HIVEP1: variants seen among roughly 807,000 people sequenced by gnomAD.
The protein encoded by HIVEP1 is HIVEP zinc finger 1.
In HIVEP1, 36 loss-of-function variants were observed where a neutral mutation model predicts 180.0. The observed-to-expected ratio is 0.20, with a 90% confidence interval of 0.15 to 0.26. The LOEUF is 0.26. Ranked by LOEUF, HIVEP1 falls within the 10% of genes least tolerant of loss-of-function variation. The pLI, the probability that HIVEP1 is intolerant of heterozygous loss-of-function variation, is 1.00. For missense variants in HIVEP1, 3,143 were observed against 3,268.7 expected (o/e 0.96, Z 0.94); for synonymous variants, 1,239 against 1,239.0 (o/e 1.00, Z 0.00).
intron 3 of HIVEP1, among the ~76,000 whole-genome samples, chr6:12,102,796 G>A (rs1774188218): frequency 2.0e-5 from 3 of 152,168 alleles, no homozygotes; most frequent in South Asian, 2.1e-4. Flanking sequence ...TTAAGGTAGA[G>A]TCAGAGCATG....
At chr6:12,058,787 C>G (rs1771038810) in intron 2 of HIVEP1, among the ~76,000 whole-genome samples, 1 of 152,118 alleles carries the variant, frequency 6.6e-6, no homozygotes, top group Non-Finnish European at 1.5e-5. Flanking sequence ...TCACGTGGGG[C>G]TGACCTAGTA....
intron 2 of HIVEP1, among the ~76,000 whole-genome samples, chr6:12,047,550 C>T (rs1017473505): frequency 6.6e-6 from 1 of 152,216 alleles, no homozygotes; most frequent in Non-Finnish European, 1.5e-5. Context: ...TAGGTCACAT[C>T]GCGGGTCTCA....
chr6:12,114,925 A>G (rs905393848), intron 3 of HIVEP1, among the ~76,000 whole-genome samples: 5 of 152,220 alleles, frequency 3.3e-5, no homozygotes, highest in African/African-American at 9.6e-5. Context: ...CATGATCTCA[A>G]TTGTTAGAAA....
chr6:12,026,734 G>T (rs895491417), intron 2 of HIVEP1, among the ~76,000 whole-genome samples: 2 of 152,134 alleles, frequency 1.3e-5, no homozygotes, highest in Admixed American at 6.5e-5. Flanking sequence ...AGTATGATTT[G>T]TTGACACCCA....
chr6:12,108,679 C>G (rs929941359), intron 3 of HIVEP1, among the ~76,000 whole-genome samples: 4 of 152,220 alleles, frequency 2.6e-5, no homozygotes, highest in African/African-American at 7.2e-5. Context: ...GCCGGCTGCT[C>G]CGAGTGCGGG....
At chr6:12,048,029 G>A (rs767963356) in intron 2 of HIVEP1, among the ~76,000 whole-genome samples, 1 of 152,214 alleles carries the variant, frequency 6.6e-6, no homozygotes, top group Non-Finnish European at 1.5e-5. Flanking sequence ...AACTGTTGCT[G>A]TTCCATTTTG....
At chr6:12,030,466 T>A (rs1392942716) in intron 2 of HIVEP1, among the ~76,000 whole-genome samples, 2 of 152,152 alleles carry the variant, frequency 1.3e-5, no homozygotes, top group Non-Finnish European at 2.9e-5. Context: ...ATCTCTTTAA[T>A]TTTTTTCTGT....
Position 12,046,845 on chromosome 6 carries a change from C to CTGTGTGTGTGTGTGTGTGTGTGTGTG in HIVEP1, c.40+31183_40+31208dup, listed in dbSNP as rs372934680. Among the ~76,000 whole-genome samples, 183 of 141,098 alleles carry CTGTGTGTGTGTGTGTGTGTGTGTGTG rather than the reference C, an allele frequency of 1.3e-3. 1 individual carries two copies. Among genetic ancestry groups the CTGTGTGTGTGTGTGTGTGTGTGTGTG allele is most frequent in the East Asian group, 1.6e-3 (7 of 4,492 alleles). 92.6% of individuals were successfully genotyped at this position (141,098 alleles called of 152,430 possible). ...TACACTTCTTCTTACTGCCACTACA[C>CTGTGTGTGTGTGTGTGTGTGTGTGTG]TGTGTGTGTGTGTGTGTGTGTGTGT... On this transcript the variant is annotated intron_variant, in intron 2 of 8. Transcript: ENST00000379388.
chr6:12,030,369 C>G (rs571204716), intron 2 of HIVEP1, among the ~76,000 whole-genome samples: 1 of 152,096 alleles, frequency 6.6e-6, no homozygotes, highest in East Asian at 1.9e-4. Context: ...ATTATTTCTT[C>G]ATATATTTTT....
In HIVEP1 at chr6:12,121,869, T is replaced by G. The variant is rs79027391; in HGVS notation, c.2074T>G (p.Phe692Val). Residue 692 changes from phenylalanine (F) to valine (V), a missense_variant, in exon 4 of 9, where the codon TTT becomes GTT. Coordinates refer to ENST00000379388, the MANE Select transcript of HIVEP1 (RefSeq NM_002114.4). The surrounding 1 kb of genome is among the most constrained non-coding windows in gnomAD (Gnocchi z 5.3). ...ADQTVSPPTP[F>V]ARRLPSTEQD... ...TCAAACAGTGAGTCCACCAACTCCC[T>G]TTGCCAGAAGGTTACCCAGCACAGA... 3,767 of 1,614,156 alleles carry G rather than the reference T, an allele frequency of 2.3e-3. 74 individuals carry two copies. The African/African-American group carries it at 0.043, about 19-fold the overall frequency.
At chr6:12,145,235 G>A (rs1054846328) in intron 7 of HIVEP1, among the ~76,000 whole-genome samples, 1 of 152,082 alleles carries the variant, frequency 6.6e-6, no homozygotes, top group Non-Finnish European at 1.5e-5. Flanking sequence ...GGATGCAGCT[G>A]GAAATCATCA....
intron 3 of HIVEP1, among the ~76,000 whole-genome samples, chr6:12,099,848 T>C (rs552227451): frequency 6.6e-6 from 1 of 152,368 alleles, no homozygotes; most frequent in South Asian, 2.1e-4. Flanking sequence ...TGGTTAGATA[T>C]GTAATCTAGA....
At chr6:12,210,897 T>C in the HIVEP1 span, among the ~76,000 whole-genome samples, 35,084 of 151,994 alleles carry the variant, frequency 0.23, 4,036 homozygotes, top group Admixed American at 0.25. Context: ...AAAATCATTT[T>C]TTTTTTCTGC....
At chr6:12,100,557 G>A (rs1369249256) in intron 3 of HIVEP1, among the ~76,000 whole-genome samples, 1 of 152,160 alleles carries the variant, frequency 6.6e-6, no homozygotes, top group Non-Finnish European at 1.5e-5. Context: ...AACTTTCTTA[G>A]AAAAATCACT....
chr6:12,044,556 C>T (rs1769993222), intron 2 of HIVEP1, among the ~76,000 whole-genome samples: 1 of 151,252 alleles, frequency 6.6e-6, no homozygotes, highest in African/African-American at 2.4e-5. Flanking sequence ...CAGCTGAGGG[C>T]TCACTGTGCC....
the HIVEP1 span, among the ~76,000 whole-genome samples, chr6:12,209,197 A>C: frequency 6.6e-6 from 1 of 152,150 alleles, no homozygotes; most frequent in Non-Finnish European, 1.5e-5. Flanking sequence ...CTTGGTTTTA[A>C]AATTTTTCTC....
At chr6:12,078,044 G>A (rs568409434) in intron 2 of HIVEP1, among the ~76,000 whole-genome samples, 2 of 152,284 alleles carry the variant, frequency 1.3e-5, no homozygotes, top group South Asian at 4.1e-4. Context: ...AGAGGACATT[G>A]TTTAGGTAAG....
At chr6:12,039,974 A>C (rs2113673378) in intron 2 of HIVEP1, among the ~76,000 whole-genome samples, 1 of 152,264 alleles carries the variant, frequency 6.6e-6, no homozygotes, top group Middle Eastern at 3.4e-3. Context: ...ACTCAACAGC[A>C]GTGGAGTCCC....
chr6:12,012,855 G>T (rs1185598604), intron 1 of HIVEP1: 5 of 153,282 alleles, frequency 3.3e-5, no homozygotes, highest in Non-Finnish European at 7.2e-5. Context: ...GAGGGTGGGG[G>T]GTGAAAGAGA....
Sources: gnomAD v4.1 joint callset for allele counts (sites outside exome capture counted in the v4.1 genomes callset) on GRCh38, gnomAD v4.1.1 for gene constraint, Gnocchi (gnomAD v3.1) non-coding constraint, MANE v1.5 for transcripts, NCBI Gene and HGNC (gene_info 2026-07-23, HGNC 2026-07-21) for gene names.